The following P2RX7 variants were observed in gnomAD, a reference collection of about 807,000 sequenced individuals.
P2RX7 encodes the protein purinergic receptor P2X 7.
In P2RX7, 62 loss-of-function variants were observed where a neutral mutation model predicts 71.6. The ratio of observed to expected loss-of-function variants is 0.87; its 90% confidence interval spans 0.71 to 1.07. The LOEUF (loss-of-function observed/expected upper bound fraction) is 1.07, where lower values mean the gene tolerates loss of function less well. Ranked by LOEUF, P2RX7 falls within the 50% of genes least tolerant of loss-of-function variation. The probability of loss-of-function intolerance (pLI) is 0.00; values close to 1 mark genes in which losing one functional copy is unlikely to be tolerated. For missense variants in P2RX7, 686 were observed against 748.5 expected, an observed-to-expected ratio of 0.92 and a Z score of 0.97; for synonymous variants, 299 against 283.3, an observed-to-expected ratio of 1.06 and a Z score of -0.56.
At chr12:121,179,495 C>T (rs1374999844) in intron 11 of P2RX7, among the ~76,000 whole-genome samples, 3 of 130,372 alleles carry the variant, frequency 2.3e-5, no homozygotes, top group Admixed American at 7.3e-5. Flanking sequence ...AGCGAAACTC[C>T]GTCTCAAAAA....
chr12:121,136,826 T>G (rs1214470235), intron 1 of P2RX7, among the ~76,000 whole-genome samples: 1 of 151,754 alleles, frequency 6.6e-6, no homozygotes, highest in Non-Finnish European at 1.5e-5. Flanking sequence ...TTTTGTATTT[T>G]TGGTAGAGAC....
At chr12:121,143,400 A>G (rs1875433843) in intron 1 of P2RX7, among the ~76,000 whole-genome samples, 1 of 151,674 alleles carries the variant, frequency 6.6e-6, no homozygotes, top group Non-Finnish European at 1.5e-5. Context: ...TCTCAGAAAA[A>G]CAAATTAACC....
Position 121,180,463 on chromosome 12 carries a change from A to T in P2RX7, c.1290+8A>T, listed in dbSNP as rs1565978443. The T allele has an allele frequency of 1.4e-6, 2 of 1,466,776 alleles. No homozygotes were observed. The highest frequency in any genetic ancestry group is 2.1e-5 in the Admixed American group (1 of 46,714). 90.9% of individuals were successfully genotyped at this position (1,466,776 alleles called of 1,614,324 possible). ...AAGGGCCAAGAAGTCCCAGTAAGTT[A>T]AATCATTTTGTCTTTTTTTTTTTTT... On this transcript the variant is annotated splice_region_variant and intron_variant, in intron 12 of 12. Transcript: ENST00000328963.
chr12:121,142,112 G>A (rs1327952340), intron 1 of P2RX7, among the ~76,000 whole-genome samples: 3 of 152,202 alleles, frequency 2.0e-5, no homozygotes, highest in African/African-American at 7.2e-5. Context: ...TGCAGACTGT[G>A]AGCTGCCCTA....
intron 9 of P2RX7, 25 bp from the exon 10 acceptor site, chr12:121,177,122 G>A (rs200495982): frequency 2.9e-5 from 47 of 1,609,058 alleles, no homozygotes; most frequent in Admixed American, 2.2e-4. Flanking sequence ...TTTCACCTGA[G>A]TAAACTCTCC....
intron 11 of P2RX7, among the ~76,000 whole-genome samples, chr12:121,178,339 A>G (rs2037523415): frequency 6.6e-6 from 1 of 152,236 alleles, no homozygotes; most frequent in African/African-American, 2.4e-5. Context: ...ACCAGGCACC[A>G]GCTTAAAAAA....
chr12:121,161,864 A>T (rs1263574720), intron 4 of P2RX7, among the ~76,000 whole-genome samples: 1 of 152,028 alleles, frequency 6.6e-6, no homozygotes, highest in Non-Finnish European at 1.5e-5. Context: ...AGTGGTTATA[A>T]TGCAAACACA....
intron 12 of P2RX7, among the ~76,000 whole-genome samples, chr12:121,180,953 G>C (rs149014451): frequency 0.013 from 1,874 of 149,066 alleles, 43 homozygotes; most frequent in African/African-American, 0.045. Flanking sequence ...GACAGAGCAA[G>C]ACTCCATCTC....
At chr12:121,175,501 G>A (rs200842883) in intron 9 of P2RX7, 23 bp downstream of exon 9, 11 of 1,004,640 alleles carry the variant, frequency 1.1e-5, no homozygotes, top group African/African-American at 3.2e-5. Context: ...TCCCAGCTCC[G>A]GGCACCGGCA....
intron 2 of P2RX7, 56 bp from the exon 3 acceptor site, chr12:121,156,023 T>C (rs1205110961): frequency 6.9e-7 from 1 of 1,443,814 alleles, no homozygotes; most frequent in Non-Finnish European, 9.8e-7. Context: ...ATTATTATAA[T>C]TAAGTAGTTC....
At chr12:121,184,216 T>C in intron 12 of P2RX7, 89 bp from the exon 13 acceptor site, 1 of 1,427,006 alleles carries the variant, frequency 7.0e-7, no homozygotes, top group Non-Finnish European at 9.3e-7. Flanking sequence ...CATGTAATAT[T>C]AAACGTAACT....
intron 3 of P2RX7, 123 bp downstream of exon 3, chr12:121,156,270 T>G (rs756850333): frequency 6.7e-6 from 5 of 750,476 alleles, no homozygotes; most frequent in East Asian, 2.6e-5. Context: ...ACTGAGCACC[T>G]GCCTCTTTTG....
chr12:121,133,181 G>T, intron 1 of P2RX7, 86 bp downstream of exon 1: 1 of 1,469,794 alleles, frequency 6.8e-7, no homozygotes, highest in Non-Finnish European at 9.5e-7. Flanking sequence ...TGCACATTCT[G>T]AATCTCACAT....
chr12:121,158,336 G>A (rs35018823), intron 3 of P2RX7, among the ~76,000 whole-genome samples: 7,389 of 152,210 alleles, frequency 0.049, 216 homozygotes, highest in South Asian at 0.079. Flanking sequence ...TCAGATGGCA[G>A]CTGGGGTTGG....
At chr12:121,158,078 C>T (rs1878951504) in intron 3 of P2RX7, among the ~76,000 whole-genome samples, 1 of 151,990 alleles carries the variant, frequency 6.6e-6, no homozygotes. Context: ...TCTAATTGGG[C>T]ATTTGCCTCC....
intron 1 of P2RX7, among the ~76,000 whole-genome samples, chr12:121,134,384 G>A (rs1380462409): frequency 6.6e-6 from 1 of 152,010 alleles, no homozygotes; most frequent in Admixed American, 6.6e-5. Context: ...TTTGGGTTTT[G>A]TTGTTGTCAT....
In P2RX7 at chr12:121,187,346, A is replaced by G. The variant is rs888953954; in HGVS notation, c.*2544A>G. On this transcript the variant is annotated 3_prime_UTR_variant, in exon 13 of 13. Transcript: ENST00000328963. ...GTTTTATTTGGCTTTAAACTCAGGA[A>G]CCAAGTTAATTATGCCAGATTGAAC... is the stretch of plus-strand genomic sequence containing the variant. The G allele has an allele frequency of 6.6e-6, 1 of 152,212 alleles. No homozygotes were observed. The highest frequency in any genetic ancestry group is 1.5e-5 in the Non-Finnish European group (1 of 68,034). 9.4% of individuals were successfully genotyped at this position (152,212 alleles called of 1,614,324 possible).
In P2RX7 at chr12:121,187,209, G is replaced by A. The variant is rs962738504; in HGVS notation, c.*2407G>A. The A allele has an allele frequency of 1.3e-5, 2 of 152,122 alleles. No homozygotes were observed. The highest frequency in any genetic ancestry group is 1.3e-4 in the Admixed American group (2 of 15,274). The allele number at this position is 152,122 out of a possible 1,614,324, so 9.4% of individuals were successfully genotyped here. On this transcript the variant is annotated 3_prime_UTR_variant, in exon 13 of 13. Transcript: ENST00000328963. ...ATATTGTGACTGATGAAGGATCTGT[G>A]AATTTTTTTATATATGTTCTAAGAG...
At chr12:121,170,721 C>G (rs896290245) in intron 8 of P2RX7, among the ~76,000 whole-genome samples, 1 of 152,098 alleles carries the variant, frequency 6.6e-6, no homozygotes, top group African/African-American at 2.4e-5. Flanking sequence ...TTGCAGTGAG[C>G]CGGGGTCATG....
Sources: allele counts gnomAD v4.1 joint callset (sites outside exome capture counted in the v4.1 genomes callset), GRCh38; gene constraint gnomAD v4.1.1; transcripts MANE v1.5; gene names NCBI Gene and HGNC (gene_info 2026-07-23, HGNC 2026-07-21).